The following RASA2 variants were observed in gnomAD, a reference collection of about 807,000 sequenced individuals.
The protein encoded by RASA2 is RAS p21 protein activator 2, also known as ras GTPase-activating protein 2.
RASA2 carries 155 observed loss-of-function variants against 118.2 expected under a neutral mutation model. That is an observed-to-expected ratio of 1.31 (90% CI 1.15 to 1.50). The LOEUF (loss-of-function observed/expected upper bound fraction) is 1.50, where lower values mean the gene tolerates loss of function less well. RASA2 is among the 40% of genes most tolerant of loss of function. The pLI, the probability that RASA2 is intolerant of heterozygous loss-of-function variation, is 0.00. For synonymous variants in RASA2, 353 were observed against 349.1 expected (o/e 1.01, Z -0.12); for missense variants, 1,016 against 1,009.6 (o/e 1.01, Z -0.09).
chr3:141,594,063 GTCA>G (rs1314519907), intron 19 of RASA2, among the ~76,000 whole-genome samples: 1 of 152,148 alleles, frequency 6.6e-6, no homozygotes, highest in African/African-American at 2.4e-5. Flanking sequence ...TGGAAAAGTA[GTCA>G]TCATGAGTAA....
At chr3:141,555,633 G>A (rs530001634) in intron 6 of RASA2, among the ~76,000 whole-genome samples, 1 of 151,318 alleles carries the variant, frequency 6.6e-6, no homozygotes, top group South Asian at 2.1e-4. Context: ...ATACAATCTT[G>A]GCACATAGGG....
chr3:141,551,893 G>A (rs1242495986), intron 5 of RASA2, among the ~76,000 whole-genome samples: 5 of 151,944 alleles, frequency 3.3e-5, no homozygotes, highest in African/African-American at 4.8e-5. Flanking sequence ...ATTCCTTATT[G>A]AGGTTATTTT....
chr3:141,571,464 C>T lies in RASA2; in HGVS notation c.1079C>T (p.Ala360Val). The T allele has an allele frequency of 6.2e-7, 1 of 1,613,488 alleles. No homozygotes were observed. The highest frequency in any genetic ancestry group is 8.5e-7 in the Non-Finnish European group (1 of 1,179,612). ...LSEICRDKNDAVLPLVRLLLH... is the reference protein window; with the variant it reads ...LSEICRDKNDVVLPLVRLLLH... ...GAAATATGTCGAGATAAAAATGATG[C>T]TGTTTTGCCCCTTGTACGACTGCTG... Residue 360 changes from alanine to valine, a missense_variant, in exon 11 of 24, where the codon GCT (alanine) becomes GTT (valine). Physicochemically the swap from Ala to Val is moderately conservative, Grantham distance 64. Coordinates refer to ENST00000286364, the MANE Select transcript of RASA2 (RefSeq NM_006506.5).
chr3:141,533,978 A>G (rs898125237), intron 4 of RASA2, among the ~76,000 whole-genome samples: 2 of 152,056 alleles, frequency 1.3e-5, no homozygotes, highest in Non-Finnish European at 2.9e-5. Flanking sequence ...CACTCCCTCC[A>G]TTTTGAAGCA....
chr3:141,570,797 C>G (rs888294297), intron 9 of RASA2, 115 bp from the exon 10 acceptor site: 6 of 930,882 alleles, frequency 6.4e-6, no homozygotes, highest in South Asian at 1.7e-5. Flanking sequence ...AGCTTCCTAA[C>G]TGTAAATACT....
At chr3:141,590,985 C>G (rs1481268375) in intron 19 of RASA2, among the ~76,000 whole-genome samples, 1 of 152,174 alleles carries the variant, frequency 6.6e-6, no homozygotes, top group Non-Finnish European at 1.5e-5. Flanking sequence ...TTATCAGACA[C>G]TCAGCCATCA....
At chr3:141,514,948 T>C (rs2082001328) in intron 2 of RASA2, among the ~76,000 whole-genome samples, 1 of 152,184 alleles carries the variant, frequency 6.6e-6, no homozygotes, top group African/African-American at 2.4e-5. Flanking sequence ...GATTTTAGGA[T>C]AGATGTATAG....
chr3:141,499,735 A>C (rs1049157350), intron 1 of RASA2, among the ~76,000 whole-genome samples: 1 of 152,096 alleles, frequency 6.6e-6, no homozygotes. Context: ...ATTAGCTGGG[A>C]CTGCAGGTGC....
In RASA2 at chr3:141,511,411, T is replaced by C. The variant is rs527953213; in HGVS notation, c.134-752T>C. 7.2e-5 allele frequency among the ~76,000 whole-genome samples: 11 copies of C among 152,156 alleles called. No homozygotes were observed. In the South Asian group the frequency reaches 2.3e-3, roughly 32 times the overall value. On this transcript the variant is annotated intron_variant, in intron 1 of 23. Transcript: ENST00000286364. ...GGTGGTTTGGAATTGAGGCATTGCA[T>C]GTTTAGAGGTAGCCAGGGGGAGAAG...
intron 19 of RASA2, among the ~76,000 whole-genome samples, chr3:141,588,538 G>A (rs1048210934): frequency 6.6e-6 from 1 of 152,202 alleles, no homozygotes; most frequent in Non-Finnish European, 1.5e-5. Context: ...AGCTTCTGCT[G>A]TAAATTCTGG....
chr3:141,520,504 T>C (rs1006152093), intron 3 of RASA2, among the ~76,000 whole-genome samples: 1 of 152,068 alleles, frequency 6.6e-6, no homozygotes, highest in African/African-American at 2.4e-5. Context: ...ACAGTGGTTT[T>C]GAACCTTTTG....
rs866744448 is a variant in RASA2, at chr3:141,559,996, G to A, written c.863+1G>A. 6.2e-7 allele frequency: 1 copy of A among 1,609,564 alleles called. No individual in the cohort carries two copies. The highest frequency in any genetic ancestry group is 1.3e-5 in the African/African-American group (1 of 74,900). Reference sequence around the variant, plus strand: ...GAACTGATTCCTCTCATCAAGCCTGGTAAGGGCCCAGCATTTTAGTGAACT... The same window carrying A: ...GAACTGATTCCTCTCATCAAGCCTGATAAGGGCCCAGCATTTTAGTGAACT... On this transcript the variant is annotated splice_donor_variant, in intron 9 of 23. Transcript: ENST00000286364. LOFTEE classifies it high-confidence loss of function.
chr3:141,502,508 A>G (rs962576081), intron 1 of RASA2, among the ~76,000 whole-genome samples: 1 of 152,072 alleles, frequency 6.6e-6, no homozygotes, highest in African/African-American at 2.4e-5. Flanking sequence ...AGTTTATACT[A>G]TTCACTGCCT....
intron 17 of RASA2, among the ~76,000 whole-genome samples, chr3:141,583,954 G>A (rs1343918448): frequency 1.3e-5 from 2 of 152,100 alleles, no homozygotes; most frequent in Non-Finnish European, 2.9e-5. Flanking sequence ...CATTTAGGGG[G>A]CAAAATAGGA....
chr3:141,590,432 C>CT (rs574702977), intron 19 of RASA2, among the ~76,000 whole-genome samples: 42 of 152,304 alleles, frequency 2.8e-4, no homozygotes, highest in Admixed American at 1.7e-3. Context: ...TCACCCACCT[C>CT]TATTTTTTAC....
At chr3:141,573,052 T>C in intron 12 of RASA2, 95 bp from the exon 13 acceptor site, 1 of 1,117,126 alleles carries the variant, frequency 9.0e-7, no homozygotes. Flanking sequence ...CAGTTTAAAT[T>C]TCTATAATTA....
chr3:141,556,670 A>G (rs1218969729), intron 7 of RASA2, among the ~76,000 whole-genome samples: 1 of 152,172 alleles, frequency 6.6e-6, no homozygotes, highest in Non-Finnish European at 1.5e-5. Flanking sequence ...AAAAGATTGT[A>G]TTCTAATAAA....
rs529631210 is a variant in RASA2 at position 141,543,876 on chromosome 3, C to CTTTTT, written c.527+3280_527+3284dup. 4.3e-3 allele frequency among the ~76,000 whole-genome samples: 503 copies of CTTTTT among 117,252 alleles called. 12 individuals carry two copies. The highest frequency in any genetic ancestry group is 0.016 in the African/African-American group (481 of 30,650). 76.9% of individuals were successfully genotyped at this position (117,252 alleles called of 152,430 possible). ...TTTTTTCTTTCTTTCTTTCTTTTTT[C>CTTTTT]TTTTTTTTTTTTTTTTTGATATGGA... On this transcript the variant is annotated intron_variant, in intron 5 of 23. Transcript: ENST00000286364.
At position 141,586,876 on chromosome 3, in the gene RASA2, G is replaced by C. The variant is rs1041946394; in HGVS notation, c.1933+124G>C. ...ACTGTAGTTTATGGTTTCTCACACT[G>C]ATACATACGTACTAAGAATGAAAAA... On this transcript the variant is annotated intron_variant, in intron 19 of 23. Coordinates refer to ENST00000286364, the MANE Select transcript of RASA2 (RefSeq NM_006506.5). 7 of 773,506 alleles carry C rather than the reference G, an allele frequency of 9.0e-6. No individual in the cohort carries two copies. The African/African-American group carries it at 1.2e-4, about 13-fold the overall frequency. 47.9% of individuals were successfully genotyped at this position (773,506 alleles called of 1,614,324 possible).
Sources: gnomAD v4.1 joint callset for allele counts (sites outside exome capture counted in the v4.1 genomes callset) on GRCh38, gnomAD v4.1.1 for gene constraint, MANE v1.5 for transcripts, NCBI Gene and HGNC (gene_info 2026-07-23, HGNC 2026-07-21) for gene names.